The following SIPA1L1 variants were observed in gnomAD, a reference collection of about 807,000 sequenced individuals.
SIPA1L1 encodes signal-induced proliferation-associated 1-like protein 1.
In SIPA1L1, 26 loss-of-function variants were observed where a neutral mutation model predicts 162.7. That is an observed-to-expected ratio of 0.16 (90% confidence interval 0.12 to 0.22). SIPA1L1 has a LOEUF of 0.22. SIPA1L1 is among the 10% of genes least tolerant of loss of function. The pLI is 1.00. For synonymous variants in SIPA1L1, 829 were observed against 837.4 expected (o/e 0.99, Z 0.17); for missense variants, 1,874 against 2,241.0 (o/e 0.84, Z 3.31).
At chr14:71,353,387 A>C (rs557481828) in intron 2 of SIPA1L1, among the ~76,000 whole-genome samples, 1 of 152,240 alleles carries the variant, frequency 6.6e-6, no homozygotes, top group African/African-American at 2.4e-5. Context: ...GCAGGTGTGA[A>C]GAACCCAAGG....
At chr14:71,351,806 T>G (rs534797567) in intron 2 of SIPA1L1, among the ~76,000 whole-genome samples, 1 of 152,190 alleles carries the variant, frequency 6.6e-6, no homozygotes, top group East Asian at 1.9e-4. Flanking sequence ...TGCTGTATAA[T>G]TAATAGATTA....
intron 5 of SIPA1L1, among the ~76,000 whole-genome samples, chr14:71,601,453 G>A (rs2036739118): frequency 6.6e-6 from 1 of 152,024 alleles, no homozygotes; most frequent in Non-Finnish European, 1.5e-5. Context: ...ACTTGGTTAT[G>A]GTGTATTATT....
chr14:71,732,349 G>A (rs915246255), intron 20 of SIPA1L1, among the ~76,000 whole-genome samples: 15 of 152,126 alleles, frequency 9.9e-5, no homozygotes, highest in African/African-American at 3.1e-4. Flanking sequence ...CCTGAGTGTC[G>A]CAGTCACCTT....
intron 2 of SIPA1L1, among the ~76,000 whole-genome samples, chr14:71,376,794 C>T (rs530818445): frequency 6.6e-6 from 1 of 152,134 alleles, no homozygotes; most frequent in East Asian, 1.9e-4. Context: ...CTTCAAGCAT[C>T]GTTTCCATTT....
intron 2 of SIPA1L1, among the ~76,000 whole-genome samples, chr14:71,450,331 G>C (rs556861534): frequency 1.3e-5 from 2 of 152,076 alleles, no homozygotes; most frequent in Admixed American, 1.3e-4. Flanking sequence ...TTTATAGCTC[G>C]ATAGTGTGTT....
At chr14:71,446,148 T>C (rs2045325152) in intron 2 of SIPA1L1, among the ~76,000 whole-genome samples, 1 of 152,188 alleles carries the variant, frequency 6.6e-6, no homozygotes, top group Non-Finnish European at 1.5e-5. Context: ...CATGCCTGGC[T>C]CACACTTTTT....
chr14:71,699,443 G>GAA (rs1042105237), intron 14 of SIPA1L1, among the ~76,000 whole-genome samples: 3 of 152,126 alleles, frequency 2.0e-5, no homozygotes, highest in African/African-American at 7.2e-5. Flanking sequence ...CTCCAAAGTA[G>GAA]AAAAAACACC....
chr14:71,392,265 G>C (rs1595186773), intron 2 of SIPA1L1, among the ~76,000 whole-genome samples: 1 of 152,174 alleles, frequency 6.6e-6, no homozygotes, highest in East Asian at 1.9e-4. Flanking sequence ...GAGGCCCTCT[G>C]GATGTGGCTT....
At chr14:71,657,070 C>T (rs2043120219) in intron 8 of SIPA1L1, among the ~76,000 whole-genome samples, 1 of 152,146 alleles carries the variant, frequency 6.6e-6, no homozygotes, top group Non-Finnish European at 1.5e-5. Flanking sequence ...AGGGTCGAGG[C>T]CAGGTATGTT....
intron 2 of SIPA1L1, among the ~76,000 whole-genome samples, chr14:71,437,448 A>G (rs1180633589): frequency 1.3e-5 from 2 of 152,076 alleles, no homozygotes; most frequent in African/African-American, 4.8e-5. Flanking sequence ...ACTTGTTGCA[A>G]CCTCTGCCTC....
At chr14:71,356,027 C>G (rs1461194702) in intron 2 of SIPA1L1, among the ~76,000 whole-genome samples, 1 of 152,136 alleles carries the variant, frequency 6.6e-6, no homozygotes, top group African/African-American at 2.4e-5. Context: ...CAGTTCTGCA[C>G]TGTGGAACAA....
At chr14:71,646,331 C>G (rs958511389) in intron 7 of SIPA1L1, among the ~76,000 whole-genome samples, 1 of 152,118 alleles carries the variant, frequency 6.6e-6, no homozygotes, top group Non-Finnish European at 1.5e-5. Context: ...TGCCCGCCAC[C>G]ACGCCCGGCT....
chr14:71,709,206 TCTG>T lies in SIPA1L1; in HGVS notation c.3766-13_3766-11del, dbSNP rs2082690859. On this transcript the variant is annotated splice_polypyrimidine_tract_variant and intron_variant, in intron 16 of 23. Coordinates refer to ENST00000381232, the MANE Select transcript of SIPA1L1 (RefSeq NM_001386936.1). ...AGCAAAACTTTGCACTCAAATAAAT[TCTG>T]CTTCTCTTGCAGTCTGATAGCCACT... 2 of 1,591,982 alleles carry T rather than the reference TCTG, an allele frequency of 1.3e-6. No individual in the cohort carries two copies. The highest frequency in any genetic ancestry group is 1.7e-6 in the Non-Finnish European group (2 of 1,167,386).
At chr14:71,559,983 T>C (rs1389676947) in intron 4 of SIPA1L1, among the ~76,000 whole-genome samples, 2 of 152,172 alleles carry the variant, frequency 1.3e-5, no homozygotes, top group African/African-American at 4.8e-5. Flanking sequence ...AAGATATTTG[T>C]ATATTTTTTA....
At chr14:71,514,185 A>G (rs2051468474) in intron 3 of SIPA1L1, among the ~76,000 whole-genome samples, 2 of 152,176 alleles carry the variant, frequency 1.3e-5, no homozygotes, top group Non-Finnish European at 2.9e-5. Context: ...TTGAAGGACA[A>G]GTGTGGGGTT....
rs1481550039 is a variant in SIPA1L1, at chr14:71,377,139, T to G, written c.-465+55958T>G. Among the ~76,000 whole-genome samples, 1 of 142,838 alleles carries G rather than the reference T, an allele frequency of 7.0e-6. No individual in the cohort carries two copies. Among genetic ancestry groups the G allele is most frequent in the Admixed American group, 6.9e-5 (1 of 14,518 alleles). The allele number at this position is 142,838 out of a possible 152,430, so 93.7% of individuals were successfully genotyped here. On this transcript the variant is annotated intron_variant, in intron 2 of 23. Coordinates refer to ENST00000381232, the MANE Select transcript of SIPA1L1 (RefSeq NM_001386936.1). This position sits in a 1 kb window ranked among gnomAD's most constrained non-coding sequence, Gnocchi z 4.8. ...CAGAGGGGCCCCCCCACCCCCCAGA[T>G]GGGGCGGCCAGGCAGAGGCAGCCCC...
At chr14:71,646,526 T>A (rs570915574) in intron 7 of SIPA1L1, among the ~76,000 whole-genome samples, 1 of 152,228 alleles carries the variant, frequency 6.6e-6, no homozygotes, top group Non-Finnish European at 1.5e-5. Flanking sequence ...AGCAAATTTA[T>A]GTACTGTTGT....
intron 15 of SIPA1L1, 102 bp from the exon 16 acceptor site, chr14:71,705,120 G>A: frequency 1.2e-6 from 1 of 817,438 alleles, no homozygotes; most frequent in African/African-American, 1.7e-5. Context: ...AGAGTTTGCT[G>A]GTCAGTGAAC....
chr14:71,600,840 T>C (rs1436472432), intron 5 of SIPA1L1, among the ~76,000 whole-genome samples: 2 of 152,168 alleles, frequency 1.3e-5, no homozygotes, highest in Non-Finnish European at 2.9e-5. Context: ...GTTTTTTGTT[T>C]TTGTTTTTGT....
Sources: gnomAD v4.1 joint callset for allele counts (sites outside exome capture counted in the v4.1 genomes callset) on GRCh38, gnomAD v4.1.1 for gene constraint, Gnocchi (gnomAD v3.1) non-coding constraint, MANE v1.5 for transcripts, NCBI Gene and HGNC (gene_info 2026-07-23, HGNC 2026-07-21) for gene names.